The following CAMKMT variants were observed in gnomAD, a reference collection of about 807,000 sequenced individuals.
CAMKMT encodes calmodulin-lysine N-methyltransferase.
A neutral mutation model predicts 48.0 loss-of-function variants in CAMKMT; 53 were observed. The observed-to-expected ratio is 1.10, with a 90% CI of 0.89 to 1.39. The LOEUF is 1.39. CAMKMT is among the 40% of genes most tolerant of loss of function. The pLI is 0.00. For missense variants in CAMKMT, 428 were observed against 402.7 expected (o/e 1.06, Z -0.54); for synonymous variants, 165 against 152.3 (o/e 1.08, Z -0.61).
intron 3 of CAMKMT, among the ~76,000 whole-genome samples, chr2:44,541,786 AG>A (rs1317241772): frequency 5.3e-5 from 8 of 151,014 alleles, no homozygotes; most frequent in Non-Finnish European, 1.2e-4. Context: ...AAAAAAAAAA[AG>A]GATACATATA....
chr2:44,541,638 G>A (rs1478690443), intron 3 of CAMKMT, among the ~76,000 whole-genome samples: 2 of 151,948 alleles, frequency 1.3e-5, no homozygotes, highest in African/African-American at 4.8e-5. Context: ...GCGCATAGTG[G>A]TGCATCCTTG....
intron 4 of CAMKMT, 42 bp from the exon 5 acceptor site, chr2:44,706,245 T>C (rs759712156): frequency 6.2e-7 from 1 of 1,602,076 alleles, no homozygotes; most frequent in Non-Finnish European, 8.6e-7. Flanking sequence ...ACCATTTTCA[T>C]CTAATTTGTA....
At chr2:44,734,080 C>T (rs1449531183) in intron 7 of CAMKMT, among the ~76,000 whole-genome samples, 1 of 150,368 alleles carries the variant, frequency 6.7e-6, no homozygotes, top group African/African-American at 2.4e-5. Flanking sequence ...CTGCTCTAAT[C>T]TTTATTACTT....
chr2:44,419,036 G>GT (rs1447384613), intron 3 of CAMKMT, among the ~76,000 whole-genome samples: 1 of 151,782 alleles, frequency 6.6e-6, no homozygotes, highest in Non-Finnish European at 1.5e-5. Flanking sequence ...TAATTTCCTG[G>GT]TTTTTGTTGC....
chr2:44,647,008 G>T (rs749336222), intron 3 of CAMKMT, among the ~76,000 whole-genome samples: 8 of 152,166 alleles, frequency 5.3e-5, no homozygotes, highest in Non-Finnish European at 1.2e-4. Context: ...TATTTTAAAA[G>T]TATTCCTTGG....
intron 3 of CAMKMT, among the ~76,000 whole-genome samples, chr2:44,516,344 A>T (rs568715271): frequency 1.3e-5 from 2 of 152,194 alleles, no homozygotes; most frequent in Admixed American, 1.3e-4. Flanking sequence ...TTCTAGTTTA[A>T]TTTTTGTTGG....
chr2:44,551,988 A>G (rs1196653350), intron 3 of CAMKMT, among the ~76,000 whole-genome samples: 2 of 151,834 alleles, frequency 1.3e-5, no homozygotes, highest in African/African-American at 4.8e-5. Flanking sequence ...ATTTTTTTTT[A>G]GTTTTCATTT....
intron 3 of CAMKMT, among the ~76,000 whole-genome samples, chr2:44,635,668 G>T (rs1299726745): frequency 7.2e-5 from 11 of 152,168 alleles, no homozygotes; most frequent in Admixed American, 7.2e-4. Flanking sequence ...TATTTTAGTT[G>T]TGCTGAATAA....
At chr2:44,471,426 C>G (rs958128385) in intron 3 of CAMKMT, among the ~76,000 whole-genome samples, 1 of 151,974 alleles carries the variant, frequency 6.6e-6, no homozygotes, top group Non-Finnish European at 1.5e-5. Flanking sequence ...AGCAAAACCC[C>G]GTCTCTAAAA....
chr2:44,378,060 A>T (rs889023491), intron 2 of CAMKMT, among the ~76,000 whole-genome samples: 1 of 152,236 alleles, frequency 6.6e-6, no homozygotes, highest in Admixed American at 6.5e-5. Context: ...TATATTTAAA[A>T]GCATAGTTTT....
At chr2:44,734,433 G>C (rs1349833032) in intron 7 of CAMKMT, among the ~76,000 whole-genome samples, 1 of 148,580 alleles carries the variant, frequency 6.7e-6, no homozygotes, top group African/African-American at 2.5e-5. Context: ...TTTTATTTTT[G>C]AGACAGGTTC....
chr2:44,384,087 A>G (rs941275282), intron 2 of CAMKMT, among the ~76,000 whole-genome samples: 1 of 152,180 alleles, frequency 6.6e-6, no homozygotes, highest in African/African-American at 2.4e-5. Flanking sequence ...TTTCATTCCC[A>G]CCAGCAGTGT....
At chr2:44,584,000 C>T (rs1242467524) in intron 3 of CAMKMT, among the ~76,000 whole-genome samples, 2 of 152,130 alleles carry the variant, frequency 1.3e-5, no homozygotes, top group African/African-American at 4.8e-5. Context: ...ATTCAACATA[C>T]AGGATATTTA....
chr2:44,420,465 A>G (rs1490783418), intron 3 of CAMKMT, among the ~76,000 whole-genome samples: 1 of 152,108 alleles, frequency 6.6e-6, no homozygotes, highest in Non-Finnish European at 1.5e-5. Context: ...TTTGCATATA[A>G]CTTTTGACTA....
At chr2:44,414,925 G>A (rs926442411) in intron 3 of CAMKMT, among the ~76,000 whole-genome samples, 2 of 152,226 alleles carry the variant, frequency 1.3e-5, no homozygotes, top group Admixed American at 6.5e-5. Context: ...GGAGGCCGAG[G>A]CGGGCGGATC....
chr2:44,521,467 G>C (rs1298442810), intron 3 of CAMKMT, among the ~76,000 whole-genome samples: 2 of 152,120 alleles, frequency 1.3e-5, no homozygotes, highest in Non-Finnish European at 1.5e-5. Flanking sequence ...TTTTAGTAGA[G>C]ATGGGGTTTC....
chr2:44,529,211 A>T (rs896540966), intron 3 of CAMKMT, among the ~76,000 whole-genome samples: 1 of 152,198 alleles, frequency 6.6e-6, no homozygotes, highest in African/African-American at 2.4e-5. Flanking sequence ...CTTTAATATC[A>T]TTATGAACTC....
At chr2:44,707,289 A>G in intron 5 of CAMKMT, 110 bp from the exon 6 acceptor site, 1 of 835,888 alleles carries the variant, frequency 1.2e-6, no homozygotes, top group East Asian at 2.5e-5. Context: ...AGATTGTTAC[A>G]GAGAAATAGG....
At chr2:44,512,654 T>C (rs1670626946) in intron 3 of CAMKMT, among the ~76,000 whole-genome samples, 1 of 152,266 alleles carries the variant, frequency 6.6e-6, no homozygotes, top group Non-Finnish European at 1.5e-5. Context: ...ATTTCTTCTC[T>C]ATTGGAAGGC....
Sources: allele counts gnomAD v4.1 joint callset (sites outside exome capture counted in the v4.1 genomes callset), GRCh38; gene constraint gnomAD v4.1.1; transcripts MANE v1.5; gene names NCBI Gene and HGNC (gene_info 2026-07-23, HGNC 2026-07-21).